The following GFOD2 variants were observed in gnomAD, a reference collection of about 807,000 sequenced individuals.
GFOD2 encodes the protein Gfo/Idh/MocA-like oxidoreductase domain containing 2.
GFOD2 carries 9 observed loss-of-function variants against 24.6 expected under a neutral mutation model. The observed-to-expected ratio is 0.37, with a 90% confidence interval of 0.22 to 0.64. GFOD2 has a LOEUF of 0.64. Among genes scored for constraint, GFOD2 ranks in the 30% least tolerant of loss-of-function variants. The pLI, the probability that GFOD2 is intolerant of heterozygous loss-of-function variation, is 0.65. For synonymous variants in GFOD2, 211 were observed against 224.8 expected, an observed-to-expected ratio of 0.94 and a Z score of 0.55; for missense variants, 476 against 532.5, an observed-to-expected ratio of 0.89 and a Z score of 1.04.
chr16:67,687,425 G>T (rs1242163407), intron 1 of GFOD2, among the ~76,000 whole-genome samples: 1 of 151,720 alleles, frequency 6.6e-6, no homozygotes, highest in African/African-American at 2.4e-5. Context: ...CGGATCACGA[G>T]GTCAGGAGAT....
At chr16:67,685,984 C>T (rs888213774) in intron 1 of GFOD2, among the ~76,000 whole-genome samples, 182 bp from the exon 2 acceptor site, 4 of 151,998 alleles carry the variant, frequency 2.6e-5, no homozygotes, top group Non-Finnish European at 4.4e-5. Context: ...AAATAGGGCT[C>T]GAGGCCAGGC....
chr16:67,711,286 A>C (rs1472840687), intron 1 of GFOD2, among the ~76,000 whole-genome samples: 1 of 152,096 alleles, frequency 6.6e-6, no homozygotes, highest in Admixed American at 6.6e-5. Flanking sequence ...CCTTCATCCC[A>C]CTTTGACCTA....
Position 67,675,776 on chromosome 16 carries a change from C to A in GFOD2, c.537G>T (p.Gly179=). The A allele has an allele frequency of 3.7e-6, 6 of 1,614,156 alleles. No homozygotes were observed. The highest frequency in any genetic ancestry group is 5.1e-6 in the Non-Finnish European group (6 of 1,180,036). The change falls in exon 3 of 3, where the codon GGG becomes GGT. Residue 179 remains glycine, a synonymous_variant. Coordinates refer to ENST00000268797, the MANE Select transcript of GFOD2 (RefSeq NM_030819.4). ...GGGTCAGCAGGTCCACAATGTAGGT[C>A]CCCATGGTGTGCAAGCCCCCGCCGC... ...LMGGGGLHTM[G]TYIVDLLTHL... is the part of the protein sequence containing the mutation.
At chr16:67,709,130 C>T (rs951237114) in intron 1 of GFOD2, among the ~76,000 whole-genome samples, 1 of 151,904 alleles carries the variant, frequency 6.6e-6, no homozygotes, top group Admixed American at 6.6e-5. Context: ...TGGCAAAACT[C>T]CTTCTCCACA....
intron 1 of GFOD2, among the ~76,000 whole-genome samples, chr16:67,687,641 A>AG: frequency 8.9e-6 from 1 of 111,824 alleles, no homozygotes; most frequent in East Asian, 2.2e-4. Flanking sequence ...ACTCCGTCTC[A>AG]AAAAAAAAAA....
chr16:67,716,647 G>A (rs1263198712), intron 1 of GFOD2, among the ~76,000 whole-genome samples: 1 of 152,042 alleles, frequency 6.6e-6, no homozygotes, highest in Non-Finnish European at 1.5e-5. Flanking sequence ...CCTTCCTCTG[G>A]GTCAACGTGA....
chr16:67,717,807 G>A (rs1387937160), intron 1 of GFOD2, among the ~76,000 whole-genome samples: 1 of 152,124 alleles, frequency 6.6e-6, no homozygotes, highest in Non-Finnish European at 1.5e-5. Flanking sequence ...TAGATAGATA[G>A]ATAGATAGAG....
At chr16:67,676,201 C>G (rs2053184258) in intron 2 of GFOD2, 148 bp from the exon 3 acceptor site, 1 of 729,454 alleles carries the variant, frequency 1.4e-6, no homozygotes, top group Non-Finnish European at 2.2e-6. Flanking sequence ...TCTTGCTATG[C>G]TGCCCAGGCT....
chr16:67,683,761 G>A (rs1288608155), intron 2 of GFOD2: 2 of 1,227,500 alleles, frequency 1.6e-6, no homozygotes, highest in African/African-American at 1.6e-5. Flanking sequence ...AGCAGACCCT[G>A]AGGTTTGCCA....
chr16:67,682,352 T>C, intron 2 of GFOD2: 2 of 985,398 alleles, frequency 2.0e-6, no homozygotes, highest in Non-Finnish European at 2.4e-6. Flanking sequence ...CTTAGTGTTT[T>C]TCTAATGAAC....
intron 1 of GFOD2, among the ~76,000 whole-genome samples, chr16:67,696,263 T>A (rs2053358483): frequency 1.3e-5 from 2 of 151,682 alleles, no homozygotes; most frequent in Admixed American, 1.3e-4. Flanking sequence ...TCTGCCCGCC[T>A]CAGCCTCCCA....
intron 2 of GFOD2, chr16:67,676,343 C>T: frequency 5.5e-6 from 2 of 365,192 alleles, no homozygotes; most frequent in South Asian, 3.5e-5. Context: ...GTTGCCTAGG[C>T]AGGGCCCAAG....
chr16:67,699,774 G>A (rs781349216), intron 1 of GFOD2, among the ~76,000 whole-genome samples: 4 of 151,116 alleles, frequency 2.6e-5, no homozygotes, highest in South Asian at 2.1e-4. Flanking sequence ...GCAAGCCACC[G>A]CGCCCAGCCT....
At position 67,675,105 on chromosome 16, in the gene GFOD2, G is replaced by C; in HGVS notation, c.*50C>G. On this transcript the variant is annotated 3_prime_UTR_variant, in exon 3 of 3. Transcript: ENST00000268797. ...CAAGTCCCTGTCATGTCTGGCTCCT[G>C]TTCCCCTCCCTGGTCCCTCTGCCCT... 1 of 1,551,640 alleles carries C rather than the reference G, an allele frequency of 6.4e-7. No homozygotes were observed. Among genetic ancestry groups the C allele is most frequent in the Non-Finnish European group, 8.7e-7 (1 of 1,144,064 alleles).
At chr16:67,694,357 C>T (rs1287899579) in intron 1 of GFOD2, among the ~76,000 whole-genome samples, 2 of 152,092 alleles carry the variant, frequency 1.3e-5, no homozygotes, top group African/African-American at 4.8e-5. Context: ...GTCTCAAACT[C>T]TGGCCTCAAA....
intron 2 of GFOD2, 119 bp from the exon 3 acceptor site, chr16:67,676,172 C>A: frequency 9.7e-7 from 1 of 1,031,788 alleles, no homozygotes; most frequent in South Asian, 1.7e-5. Context: ...ATTTTTTTTT[C>A]TTTTTTGTAG....
chr16:67,711,864 C>G (rs1027140984), intron 1 of GFOD2, among the ~76,000 whole-genome samples: 6 of 152,150 alleles, frequency 3.9e-5, no homozygotes, highest in Non-Finnish European at 1.5e-5. Context: ...CATCCAAGAA[C>G]CTCTATTGTG....
chr16:67,686,881 T>A (rs2053270959), intron 1 of GFOD2, among the ~76,000 whole-genome samples: 1 of 151,500 alleles, frequency 6.6e-6, no homozygotes, highest in Non-Finnish European at 1.5e-5. Flanking sequence ...GCGTGGTGGC[T>A]CATGCCTGTA....
intron 1 of GFOD2, among the ~76,000 whole-genome samples, chr16:67,687,640 C>CAAAA (rs11302803): frequency 2.0e-5 from 1 of 49,126 alleles, no homozygotes; most frequent in Admixed American, 2.5e-4. Flanking sequence ...GACTCCGTCT[C>CAAAA]AAAAAAAAAA....
Sources: allele counts gnomAD v4.1 joint callset (sites outside exome capture counted in the v4.1 genomes callset), GRCh38; gene constraint gnomAD v4.1.1; transcripts MANE v1.5; gene names NCBI Gene and HGNC (gene_info 2026-07-23, HGNC 2026-07-21).